TTC5: variants seen among roughly 807,000 people sequenced by gnomAD.
TTC5 encodes tetratricopeptide repeat domain 5.
TTC5 carries 46 observed loss-of-function variants against 57.4 expected under a neutral mutation model. The ratio of observed to expected loss-of-function variants is 0.80; its 90% confidence interval spans 0.63 to 1.03. The LOEUF (loss-of-function observed/expected upper bound fraction) is 1.03. Ranked by LOEUF, TTC5 falls within the 50% of genes least tolerant of loss-of-function variation. The probability of loss-of-function intolerance (pLI) is 0.00; values close to 1 mark genes in which losing one functional copy is unlikely to be tolerated. For synonymous variants in TTC5, 190 were observed against 203.5 expected, an observed-to-expected ratio of 0.93 and a Z score of 0.57; for missense variants, 504 against 528.1, an observed-to-expected ratio of 0.95 and a Z score of 0.45.
Position 20,286,834 on chromosome 14 carries a change from G to C in TTC5, c.*2793C>G, listed in dbSNP as rs946793955. 5 of 152,048 alleles carry C rather than the reference G, an allele frequency of 3.3e-5. No homozygotes were observed. The highest frequency in any genetic ancestry group is 1.2e-4 in the African/African-American group (5 of 41,398). The allele number at this position is 152,048 out of a possible 1,614,324, so 9.4% of individuals were successfully genotyped here. A position where few individuals can be genotyped will look rare whatever the true frequency, so the allele number is the denominator to read the frequency against. ...AATTTGACATCCAATACAGCAGTGT[G>C]CAAAGACTCGAATAGGCATTTTACC... On this transcript the variant is annotated 3_prime_UTR_variant, in exon 10 of 10. Coordinates refer to ENST00000258821, the MANE Select transcript of TTC5 (RefSeq NM_138376.3).
At chr14:20,302,362 T>C (rs893609835) in intron 1 of TTC5, among the ~76,000 whole-genome samples, 3 of 152,220 alleles carry the variant, frequency 2.0e-5, no homozygotes, top group African/African-American at 4.8e-5. Context: ...ACTTTGAAAT[T>C]TACCCTTAAA....
intron 8 of TTC5, 198 bp downstream of exon 8, chr14:20,295,114 C>T (rs775652370): frequency 5.1e-5 from 30 of 584,850 alleles, no homozygotes; most frequent in Non-Finnish European, 8.8e-5. Context: ...TGGGCAGTGA[C>T]AGAATCTACA....
At chr14:20,290,685 C>T (rs1356299423) in intron 9 of TTC5, among the ~76,000 whole-genome samples, 4 of 152,104 alleles carry the variant, frequency 2.6e-5, no homozygotes, top group Admixed American at 2.0e-4. Context: ...CAGGAGTCTA[C>T]ATTAGAAATT....
chr14:20,294,969 C>G, intron 8 of TTC5: 1 of 258,370 alleles, frequency 3.9e-6, no homozygotes, highest in South Asian at 5.7e-5. Flanking sequence ...ATTTGTCCTC[C>G]TTCAACTTCT....
rs1881894652 is a variant in TTC5, at chr14:20,288,902, C to T, written c.*725G>A. The T allele has an allele frequency of 6.6e-6, 1 of 152,180 alleles. No individual in the cohort carries two copies. Among genetic ancestry groups the T allele is most frequent in the Admixed American group, 6.6e-5 (1 of 15,264 alleles). The allele number at this position is 152,180 out of a possible 1,614,324, so 9.4% of individuals were successfully genotyped here. On this transcript the variant is annotated 3_prime_UTR_variant, in exon 10 of 10. Coordinates refer to ENST00000258821, the MANE Select transcript of TTC5 (RefSeq NM_138376.3). ...TCATCTTGGACCATAGTGAAGACCA[C>T]CCCTAGGGAATGACAGAATGGGAAA...
At chr14:20,298,310 G>A (rs976349509) in intron 5 of TTC5, among the ~76,000 whole-genome samples, 8 of 152,132 alleles carry the variant, frequency 5.3e-5, no homozygotes, top group African/African-American at 1.9e-4. Context: ...TTAATTCCTA[G>A]GAAATGACAC....
At position 20,295,390 on chromosome 14, in the gene TTC5, A is replaced by G; in HGVS notation, c.980T>C (p.Leu327Pro). The change falls in exon 8 of 10, where the codon CTT becomes CCT. Residue 327 changes from leucine to proline, a missense_variant. Physicochemically the swap from Leu to Pro is moderately conservative, Grantham distance 98. Transcript: ENST00000258821. ...VTLELKPLSTLQPGVNSGAVI... is the reference protein window; with the variant it reads ...VTLELKPLSTPQPGVNSGAVI... Reference sequence around the variant, plus strand: ...GGCACCGCTGTTCACCCCAGGCTGAAGCGTACTCAGTGGCTTGAGCTCCAG... The same window carrying G: ...GGCACCGCTGTTCACCCCAGGCTGAGGCGTACTCAGTGGCTTGAGCTCCAG... 1 of 1,614,166 alleles carries G rather than the reference A, an allele frequency of 6.2e-7. No homozygotes were observed. Among genetic ancestry groups the G allele is most frequent in the Non-Finnish European group, 8.5e-7 (1 of 1,180,034 alleles).
intron 8 of TTC5, chr14:20,294,133 G>T (rs945517207): frequency 1.3e-5 from 2 of 152,146 alleles, no homozygotes; most frequent in Non-Finnish European, 2.9e-5. Context: ...TCCAGTCAAA[G>T]CCTCAGAATC....
rs934213869 is a variant in TTC5 at position 20,287,198 on chromosome 14, T to C, written c.*2429A>G. ...GTGCATCAGAGTCACCTGGAGGGTTTGCGAAACACAGATTGCTGGGCTCCT... is the reference window on the plus strand; with the variant it reads ...GTGCATCAGAGTCACCTGGAGGGTTCGCGAAACACAGATTGCTGGGCTCCT... On this transcript the variant is annotated 3_prime_UTR_variant, in exon 10 of 10. Coordinates refer to ENST00000258821, the MANE Select transcript of TTC5 (RefSeq NM_138376.3). 6 of 152,144 alleles carry C rather than the reference T, an allele frequency of 3.9e-5. No individual in the cohort carries two copies. Among genetic ancestry groups the C allele is most frequent in the Non-Finnish European group, 2.9e-5 (2 of 68,054 alleles). 9.4% of individuals were successfully genotyped at this position (152,144 alleles called of 1,614,324 possible). A position where few individuals can be genotyped will look rare whatever the true frequency, so the allele number is the denominator to read the frequency against.
At chr14:20,294,682 G>A (rs1240689834) in intron 8 of TTC5, 1 of 152,266 alleles carries the variant, frequency 6.6e-6, no homozygotes, top group East Asian at 1.9e-4. Context: ...GGAAGTGAGT[G>A]AAGGACCAAG....
intron 8 of TTC5, 120 bp downstream of exon 8, chr14:20,295,192 G>A: frequency 1.2e-6 from 1 of 866,670 alleles, no homozygotes; most frequent in Non-Finnish European, 1.8e-6. Context: ...AGTCACAGAA[G>A]GAAATCAGAA....
chr14:20,296,135 C>T (rs1489892833), intron 6 of TTC5, among the ~76,000 whole-genome samples: 1 of 152,130 alleles, frequency 6.6e-6, no homozygotes, highest in Non-Finnish European at 1.5e-5. Flanking sequence ...ATTTACTTAA[C>T]ATTTCAGAAG....
Position 20,300,725 on chromosome 14 carries a change from G to C in TTC5, c.278C>G (p.Ser93Ter). The C allele has an allele frequency of 6.2e-7, 1 of 1,614,102 alleles. No individual in the cohort carries two copies. Among genetic ancestry groups the C allele is most frequent in the South Asian group, 1.1e-5 (1 of 91,078 alleles). Residue 93 changes from serine (S) to a stop codon, truncating the protein, a stop_gained, in exon 3 of 10, where the codon TCA (serine) becomes TGA (stop). Transcript: ENST00000258821. LOFTEE classifies it high-confidence loss of function. ...DYSPKAEELL[S>*]KAVKLEPELV... ...CTCGGGCTCCAGCTTCACAGCCTTT[G>C]ACAGAAGCTCCTCAGCCTTAGGGCT...
At chr14:20,301,367 T>C (rs1048600260) in intron 2 of TTC5, among the ~76,000 whole-genome samples, 10 of 152,108 alleles carry the variant, frequency 6.6e-5, no homozygotes, top group African/African-American at 2.4e-4. Flanking sequence ...TACAAGTAAT[T>C]AGTCAGAGAT....
At chr14:20,303,161 C>T (rs976424444) in intron 1 of TTC5, among the ~76,000 whole-genome samples, 3 of 149,324 alleles carry the variant, frequency 2.0e-5, no homozygotes, top group Non-Finnish European at 4.4e-5. Context: ...CACTGCCCTC[C>T]AGCCTGGCAA....
At position 20,296,246 on chromosome 14, in the gene TTC5, C is replaced by A. The variant is rs977182065; in HGVS notation, c.696+144G>T. ...CACCAGATACTGAAGCCAAACCGAG[C>A]TAGCTATTTATAGAAATAGCATGGC... On this transcript the variant is annotated intron_variant, in intron 6 of 9. Transcript: ENST00000258821. 6 of 736,672 alleles carry A rather than the reference C, an allele frequency of 8.1e-6. No individual in the cohort carries two copies. In the African/African-American group the frequency reaches 1.0e-4, roughly 13 times the overall value. 45.6% of individuals were successfully genotyped at this position (736,672 alleles called of 1,614,324 possible).
At chr14:20,292,256 T>C in intron 8 of TTC5, 129 bp from the exon 9 acceptor site, 1 of 468,704 alleles carries the variant, frequency 2.1e-6, no homozygotes, top group Non-Finnish European at 3.3e-6. Flanking sequence ...GTAATTAAAA[T>C]AAAATATAAA....
chr14:20,305,773 A>T, intron 1 of TTC5, 114 bp downstream of exon 1: 1 of 1,120,706 alleles, frequency 8.9e-7, no homozygotes, highest in South Asian at 1.3e-5. Context: ...GTAACCACAC[A>T]GACGCACGCA....
intron 3 of TTC5, among the ~76,000 whole-genome samples, chr14:20,300,156 T>TAGATATATATATATATATATA (rs1491224593): frequency 5.0e-5 from 2 of 39,846 alleles, no homozygotes; most frequent in Non-Finnish European, 9.8e-5. Context: ...TATATATATA[T>TAGATATATATATATATATATA]TTTTTTTTTT....
Sources: allele counts gnomAD v4.1 joint callset (sites outside exome capture counted in the v4.1 genomes callset), GRCh38; gene constraint gnomAD v4.1.1; transcripts MANE v1.5; gene names NCBI Gene and HGNC (gene_info 2026-07-23, HGNC 2026-07-21).